The following PPP1R16B variants were observed in gnomAD, a reference collection of about 807,000 sequenced individuals.
PPP1R16B encodes protein phosphatase 1 regulatory subunit 16B, also known as protein phosphatase 1 regulatory inhibitor subunit 16B.
In PPP1R16B, 14 loss-of-function variants were observed where a neutral mutation model predicts 61.7. The observed-to-expected ratio is 0.23, with a 90% confidence interval of 0.15 to 0.35. The LOEUF (loss-of-function observed/expected upper bound fraction) is 0.35, where lower values mean the gene tolerates loss of function less well. PPP1R16B is among the 10% of genes least tolerant of loss of function. The pLI is 1.00. For synonymous variants in PPP1R16B, 266 were observed against 305.3 expected (o/e 0.87, Z 1.34); for missense variants, 547 against 752.5 (o/e 0.73, Z 3.19).
chr20:38,864,145 A>G (rs1427245293), intron 2 of PPP1R16B, among the ~76,000 whole-genome samples: 1 of 152,250 alleles, frequency 6.6e-6, no homozygotes, highest in Non-Finnish European at 1.5e-5. Flanking sequence ...AGACAAATCT[A>G]TAGAGACAGA....
intron 2 of PPP1R16B, among the ~76,000 whole-genome samples, chr20:38,882,061 C>T (rs1299081612): frequency 1.3e-5 from 2 of 152,196 alleles, no homozygotes; most frequent in Non-Finnish European, 2.9e-5. Context: ...TATTTAATAA[C>T]AGCAGGTTAC....
At chr20:38,903,567 GTCCGTCCGTCCGTCCATCCA>G (rs1394414321) in intron 6 of PPP1R16B, among the ~76,000 whole-genome samples, 2,975 of 126,600 alleles carry the variant, frequency 0.023, 83 homozygotes, top group African/African-American at 0.067. Flanking sequence ...CCATCCATCC[GTCCGTCCGTCCGTCCATCCA>G]TCCATCCATC....
At chr20:38,857,454 C>T (rs549502728) in intron 2 of PPP1R16B, among the ~76,000 whole-genome samples, 1 of 152,302 alleles carries the variant, frequency 6.6e-6, no homozygotes, top group South Asian at 2.1e-4. Context: ...CATGGTCCCT[C>T]ATTTAATAAG....
At chr20:38,903,681 A>T (rs1165950752) in intron 6 of PPP1R16B, among the ~76,000 whole-genome samples, 1 of 152,120 alleles carries the variant, frequency 6.6e-6, no homozygotes, top group Non-Finnish European at 1.5e-5. Flanking sequence ...CTGTGCACAT[A>T]CTTTACTAGA....
intron 2 of PPP1R16B, among the ~76,000 whole-genome samples, chr20:38,883,392 C>G (rs1336833466): frequency 6.6e-6 from 1 of 152,274 alleles, no homozygotes; most frequent in Non-Finnish European, 1.5e-5. Flanking sequence ...GCAGCCGCCA[C>G]CAGCTTCCTG....
intron 2 of PPP1R16B, among the ~76,000 whole-genome samples, chr20:38,844,768 T>C (rs954480202): frequency 1.3e-5 from 2 of 150,192 alleles, no homozygotes; most frequent in Admixed American, 6.6e-5. Context: ...ACAGTAGTTT[T>C]ACCCACCATT....
chr20:38,841,751 A>G (rs1412822001), intron 2 of PPP1R16B, among the ~76,000 whole-genome samples: 1 of 152,228 alleles, frequency 6.6e-6, no homozygotes, highest in Non-Finnish European at 1.5e-5. Flanking sequence ...GTGTGACATC[A>G]TATATCAGGG....
Position 38,871,596 on chromosome 20 carries a change from GGGAGGGAGGGAAGGAA to G in PPP1R16B, c.251-17979_251-17964del, listed in dbSNP as rs529224124. Among the ~76,000 whole-genome samples the G allele has an allele frequency of 2.6e-3, 382 of 144,552 alleles. 4 individuals carry two copies. Among genetic ancestry groups the G allele is most frequent in the African/African-American group, 8.8e-3 (343 of 38,916 alleles). The allele number at this position is 144,552 out of a possible 152,430, so 94.8% of individuals were successfully genotyped here. On this transcript the variant is annotated intron_variant, in intron 2 of 10. Transcript: ENST00000299824. ...AGGAAGAGAGGAACGAAGGGAGGGA[GGGAGGGAGGGAAGGAA>G]GGAGGGAGGGAAGGAAGGAAGGAGG...
intron 2 of PPP1R16B, among the ~76,000 whole-genome samples, chr20:38,874,864 A>G (rs970325683): frequency 6.6e-6 from 1 of 152,200 alleles, no homozygotes; most frequent in African/African-American, 2.4e-5. Flanking sequence ...GTGCCTCAGT[A>G]TCCCCAACTG....
intron 7 of PPP1R16B, among the ~76,000 whole-genome samples, chr20:38,906,416 C>T (rs1184607337): frequency 6.6e-6 from 1 of 151,000 alleles, no homozygotes; most frequent in African/African-American, 2.4e-5. Context: ...GCCTCAGCCT[C>T]CTGAGTAGCT....
At chr20:38,839,390 T>C (rs74877091) in intron 2 of PPP1R16B, among the ~76,000 whole-genome samples, 7,550 of 152,312 alleles carry the variant, frequency 0.05, 192 homozygotes, top group Non-Finnish European at 0.06. Flanking sequence ...CAGACTTTAA[T>C]GTTTTTCAGA....
At chr20:38,884,885 C>T (rs1163584656) in intron 2 of PPP1R16B, among the ~76,000 whole-genome samples, 1 of 151,842 alleles carries the variant, frequency 6.6e-6, no homozygotes, top group Non-Finnish European at 1.5e-5. Flanking sequence ...TCCTGGCTAA[C>T]ATGGTGAAAC....
intron 1 of PPP1R16B, among the ~76,000 whole-genome samples, chr20:38,811,044 T>C (rs926586639): frequency 2.6e-5 from 4 of 152,086 alleles, no homozygotes; most frequent in Non-Finnish European, 5.9e-5. Flanking sequence ...TTTGGGGAAA[T>C]TCCTGGGTGC....
chr20:38,857,667 A>G (rs1369717173), intron 2 of PPP1R16B, among the ~76,000 whole-genome samples: 2 of 152,162 alleles, frequency 1.3e-5, no homozygotes, highest in Non-Finnish European at 2.9e-5. Context: ...AAGCCCACAC[A>G]ACTCCGTAGA....
chr20:38,904,787 C>T (rs754875893), intron 6 of PPP1R16B, among the ~76,000 whole-genome samples: 1 of 152,206 alleles, frequency 6.6e-6, no homozygotes. Context: ...CCCAAGACCT[C>T]AGGCCCCCGA....
At chr20:38,821,195 G>A (rs540872629) in intron 1 of PPP1R16B, among the ~76,000 whole-genome samples, 3 of 152,300 alleles carry the variant, frequency 2.0e-5, no homozygotes, top group African/African-American at 7.2e-5. Flanking sequence ...GTAGAACTGG[G>A]GAAAGAGATG....
rs1601256305 is a variant in PPP1R16B at position 38,851,638 on chromosome 20, G to A, written c.250+15463G>A. ...TGTTCAGTGGTGAACAAAACAAAATGGGCCAGACCACCTTGGAGCTCAGAG... is the reference window on the plus strand; with the variant it reads ...TGTTCAGTGGTGAACAAAACAAAATAGGCCAGACCACCTTGGAGCTCAGAG... On this transcript the variant is annotated intron_variant, in intron 2 of 10. Coordinates refer to ENST00000299824, the MANE Select transcript of PPP1R16B (RefSeq NM_015568.4). Among the ~76,000 whole-genome samples, 5 of 152,284 alleles carry A rather than the reference G, an allele frequency of 3.3e-5. No individual in the cohort carries two copies. In the South Asian group the frequency reaches 1.0e-3, roughly 32 times the overall value.
intron 2 of PPP1R16B, among the ~76,000 whole-genome samples, chr20:38,837,443 C>G (rs764265213): frequency 6.6e-6 from 1 of 151,670 alleles, no homozygotes; most frequent in Non-Finnish European, 1.5e-5. Flanking sequence ...ACAATGCTAT[C>G]TAGGATATTT....
intron 2 of PPP1R16B, among the ~76,000 whole-genome samples, chr20:38,856,744 C>T (rs1185769950): frequency 1.3e-5 from 2 of 152,354 alleles, no homozygotes; most frequent in East Asian, 3.9e-4. Context: ...CCGTTAGTAA[C>T]CCCATCTTAC....
Sources: gnomAD v4.1 joint callset for allele counts (sites outside exome capture counted in the v4.1 genomes callset) on GRCh38, gnomAD v4.1.1 for gene constraint, MANE v1.5 for transcripts, NCBI Gene and HGNC (gene_info 2026-07-23, HGNC 2026-07-21) for gene names.